Variants in GPBP1L1 observed in about 807,000 individuals in gnomAD.
The protein encoded by GPBP1L1 is vasculin-like protein 1.
Under a neutral mutation model 52.5 loss-of-function variants are expected in GPBP1L1, and 23 were observed. The observed-to-expected ratio is 0.44, with a 90% confidence interval of 0.32 to 0.62. The LOEUF is 0.62. GPBP1L1 is among the 20% of genes least tolerant of loss of function. The pLI, the probability that GPBP1L1 is intolerant of heterozygous loss-of-function variation, is 0.06. For missense variants in GPBP1L1, 596 were observed against 579.3 expected, an observed-to-expected ratio of 1.03 and a Z score of -0.30; for synonymous variants, 243 against 203.1, an observed-to-expected ratio of 1.20 and a Z score of -1.67.
intron 2 of GPBP1L1, among the ~76,000 whole-genome samples, chr1:45,668,172 ATTCCCATTAAG>A (rs1001835532): frequency 2.0e-5 from 3 of 152,176 alleles, no homozygotes; most frequent in Non-Finnish European, 4.4e-5. Flanking sequence ...TTTTCAAAAT[ATTCCCATTAAG>A]TTAATCTAAC....
At chr1:45,642,327 A>T in intron 7 of GPBP1L1, 100 bp downstream of exon 7, 1 of 824,396 alleles carries the variant, frequency 1.2e-6, no homozygotes, top group Non-Finnish European at 2.1e-6. Context: ...AATGCATGAG[A>T]TGAGAAACAA....
At chr1:45,653,599 A>G (rs1028728863) in intron 6 of GPBP1L1, among the ~76,000 whole-genome samples, 1 of 151,996 alleles carries the variant, frequency 6.6e-6, no homozygotes, top group Non-Finnish European at 1.5e-5. Context: ...GCATCAAGCA[A>G]TCCTCCTGCC....
chr1:45,650,487 C>G (rs1329982733), intron 6 of GPBP1L1, among the ~76,000 whole-genome samples: 2 of 152,296 alleles, frequency 1.3e-5, no homozygotes, highest in Admixed American at 1.3e-4. Flanking sequence ...CAAACATTCT[C>G]TAACAACTCA....
intron 6 of GPBP1L1, among the ~76,000 whole-genome samples, chr1:45,646,857 A>G (rs1036715849): frequency 6.6e-6 from 1 of 151,920 alleles, no homozygotes. Context: ...GTACCCGGCC[A>G]CTTGTCAGTA....
chr1:45,651,725 C>T (rs751123171), intron 6 of GPBP1L1: 52 of 434,574 alleles, frequency 1.2e-4, no homozygotes, highest in Non-Finnish European at 2.0e-4. Flanking sequence ...ATTCTTAGGC[C>T]TTTTCTTAAA....
At position 45,628,962 on chromosome 1, in the gene GPBP1L1, A is replaced by C. The variant is rs117069080; in HGVS notation, c.1273-554T>G. ...CAGGCGTGAGCCACTGTGCCCAGCC[A>C]TAAGTCCTTATTTCTAACAGAGTTC... On this transcript the variant is annotated intron_variant, in intron 12 of 12. Transcript: ENST00000355105. 2.0e-5 allele frequency among the ~76,000 whole-genome samples: 3 copies of C among 152,300 alleles called. No homozygotes were observed. In the East Asian group the frequency reaches 5.8e-4, roughly 29 times the overall value.
chr1:45,675,636 C>T (rs918420955), intron 2 of GPBP1L1, among the ~76,000 whole-genome samples: 1 of 152,150 alleles, frequency 6.6e-6, no homozygotes, highest in East Asian at 1.9e-4. Flanking sequence ...ACCTCCCAGG[C>T]TCGAGTGATC....
intron 4 of GPBP1L1, among the ~76,000 whole-genome samples, chr1:45,657,271 T>C (rs1341856495): frequency 1.3e-5 from 2 of 152,142 alleles, no homozygotes; most frequent in South Asian, 2.1e-4. Context: ...TGGTGGTTCA[T>C]TGCTGTAATC....
chr1:45,637,678 C>T (rs561843384), intron 8 of GPBP1L1, among the ~76,000 whole-genome samples: 3 of 152,146 alleles, frequency 2.0e-5, no homozygotes, highest in Non-Finnish European at 4.4e-5. Context: ...ATGACATTTT[C>T]TTACTCATTT....
intron 2 of GPBP1L1, among the ~76,000 whole-genome samples, chr1:45,662,395 T>C (rs887034418): frequency 7.9e-5 from 12 of 152,184 alleles, no homozygotes; most frequent in Admixed American, 6.5e-5. Context: ...TCCTCCTGCT[T>C]TGGCCTCTCA....
intron 10 of GPBP1L1, among the ~76,000 whole-genome samples, chr1:45,631,768 A>G (rs1644533945): frequency 6.6e-6 from 1 of 152,150 alleles, no homozygotes; most frequent in Admixed American, 6.5e-5. Context: ...ACCAAACAAA[A>G]TATTAGCCAG....
At chr1:45,629,740 C>G in intron 11 of GPBP1L1, 62 bp from the exon 12 acceptor site, 2 of 1,079,324 alleles carry the variant, frequency 1.9e-6, no homozygotes, top group Non-Finnish European at 2.8e-6. Flanking sequence ...GTGAACAGCC[C>G]ACCACTTTTC....
intron 3 of GPBP1L1, among the ~76,000 whole-genome samples, 199 bp downstream of exon 3, chr1:45,659,985 C>T (rs1304794641): frequency 6.6e-6 from 1 of 152,186 alleles, no homozygotes; most frequent in African/African-American, 2.4e-5. Flanking sequence ...ACGATACAAC[C>T]TCTCAAGAGC....
chr1:45,655,438 A>G, intron 4 of GPBP1L1, 119 bp from the exon 5 acceptor site: 1 of 1,149,992 alleles, frequency 8.7e-7, no homozygotes, highest in South Asian at 1.4e-5. Context: ...AGAAACTCAT[A>G]TTGTAAGCAT....
At chr1:45,678,767 G>C (rs1481862678) in intron 2 of GPBP1L1, among the ~76,000 whole-genome samples, 1 of 152,140 alleles carries the variant, frequency 6.6e-6, no homozygotes, top group Admixed American at 6.5e-5. Context: ...TGGATAGCTA[G>C]CTGTAATAAA....
upstream of GPBP1L1, chr1:45,687,407 C>T (rs1251849163): frequency 6.6e-6 from 1 of 152,334 alleles, no homozygotes. Flanking sequence ...AAAGCTAAAC[C>T]GTGTAATGGC....
intron 12 of GPBP1L1, 118 bp from the exon 13 acceptor site, chr1:45,628,526 G>T: frequency 1.2e-6 from 1 of 862,084 alleles, no homozygotes. Context: ...GGGGCGGGGG[G>T]TGCTTCTAAG....
chr1:45,670,785 G>T (rs1043015141), intron 2 of GPBP1L1, among the ~76,000 whole-genome samples: 18 of 134,998 alleles, frequency 1.3e-4, no homozygotes, highest in African/African-American at 4.4e-4. Flanking sequence ...ACTACCATAT[G>T]TCTTTTTTTT....
In GPBP1L1 at chr1:45,659,157, A is replaced by G; in HGVS notation, c.-55-15T>C. On this transcript the variant is annotated splice_polypyrimidine_tract_variant and intron_variant, in intron 3 of 12. Coordinates refer to ENST00000355105, the MANE Select transcript of GPBP1L1 (RefSeq NM_021639.5). Reference sequence around the variant, plus strand: ...ATGGCCAGGATCTGAAAACAAAACAATTCAAATCACTTATGTTTACAAGAA... The same window carrying G: ...ATGGCCAGGATCTGAAAACAAAACAGTTCAAATCACTTATGTTTACAAGAA... The G allele has an allele frequency of 7.1e-7, 1 of 1,414,594 alleles. No individual in the cohort carries two copies. The highest frequency in any genetic ancestry group is 1.2e-5 in the South Asian group (1 of 86,252). 87.6% of individuals were successfully genotyped at this position (1,414,594 alleles called of 1,614,324 possible). A position where few individuals can be genotyped will look rare whatever the true frequency, so the allele number is the denominator to read the frequency against.
Sources: allele counts gnomAD v4.1 joint callset (sites outside exome capture counted in the v4.1 genomes callset), GRCh38; gene constraint gnomAD v4.1.1; transcripts MANE v1.5; gene names NCBI Gene and HGNC (gene_info 2026-07-23, HGNC 2026-07-21).